The following SLC35F1 variants were observed in gnomAD, a reference collection of about 807,000 sequenced individuals.
SLC35F1 encodes the protein chromosome 6 open reading frame 169.
In SLC35F1, 14 loss-of-function variants were observed where a neutral mutation model predicts 48.7. The ratio of observed to expected loss-of-function variants is 0.29; its 90% CI spans 0.19 to 0.45. The LOEUF is 0.45. SLC35F1 is among the 20% of genes least tolerant of loss of function. The pLI, the probability that SLC35F1 is intolerant of heterozygous loss-of-function variation, is 1.00. For missense variants in SLC35F1, 404 were observed against 500.0 expected (o/e 0.81, Z 1.83); for synonymous variants, 190 against 202.2 (o/e 0.94, Z 0.51).
intron 1 of SLC35F1, among the ~76,000 whole-genome samples, chr6:118,083,396 G>A (rs748065788): frequency 1.2e-4 from 18 of 152,192 alleles, no homozygotes; most frequent in Non-Finnish European, 2.5e-4. Flanking sequence ...ATATGTTCCT[G>A]TACTGAGAAT....
At chr6:117,997,328 G>A (rs200618612) in intron 1 of SLC35F1, among the ~76,000 whole-genome samples, 48,824 of 151,934 alleles carry the variant, frequency 0.32, 7,945 homozygotes, top group Admixed American at 0.39. Flanking sequence ...TGGGAGAATG[G>A]AACCAAGTTG....
intron 1 of SLC35F1, among the ~76,000 whole-genome samples, chr6:117,951,377 A>C (rs1247563660): frequency 6.6e-6 from 1 of 152,238 alleles, no homozygotes; most frequent in Non-Finnish European, 1.5e-5. Flanking sequence ...TAAACATAAA[A>C]CTGTCTTGGA....
At chr6:118,178,670 C>T (rs1204350186) in intron 2 of SLC35F1, among the ~76,000 whole-genome samples, 1 of 151,996 alleles carries the variant, frequency 6.6e-6, no homozygotes, top group East Asian at 1.9e-4. Context: ...CAGTCAACTA[C>T]AGGAGACTGA....
At chr6:118,052,218 A>G (rs144448438) in intron 1 of SLC35F1, among the ~76,000 whole-genome samples, 1 of 152,268 alleles carries the variant, frequency 6.6e-6, no homozygotes, top group Admixed American at 6.5e-5. Flanking sequence ...TTTGGTAGTA[A>G]ACACCATCTG....
At chr6:118,006,707 A>G (rs1015028683) in intron 1 of SLC35F1, among the ~76,000 whole-genome samples, 2 of 152,188 alleles carry the variant, frequency 1.3e-5, no homozygotes, top group Admixed American at 1.3e-4. Flanking sequence ...ATATCCTCTT[A>G]TCATTAAAAA....
intron 1 of SLC35F1, among the ~76,000 whole-genome samples, chr6:118,023,676 T>C (rs1174920362): frequency 6.6e-6 from 1 of 152,158 alleles, no homozygotes; most frequent in Non-Finnish European, 1.5e-5. Flanking sequence ...TATCACAGTG[T>C]CTGCTCCGTG....
Position 118,033,613 on chromosome 6 carries a change from GTT to G in SLC35F1, c.174-120819_174-120818del, listed in dbSNP as rs11350721. ...TTTGCATTTGTATACATTCACACTA[GTT>G]TTTTTTTTTTTTCATCTTTTATCCT... On this transcript the variant is annotated intron_variant, in intron 1 of 7. Transcript: ENST00000360388. Among the ~76,000 whole-genome samples, 941 of 145,010 alleles carry G rather than the reference GTT, an allele frequency of 6.5e-3. 9 individuals are homozygous for G. The highest frequency in any genetic ancestry group is 0.017 in the African/African-American group (674 of 39,700).
chr6:118,032,427 A>C (rs562928012), intron 1 of SLC35F1, among the ~76,000 whole-genome samples: 1 of 152,216 alleles, frequency 6.6e-6, no homozygotes, highest in Non-Finnish European at 1.5e-5. Context: ...GGCTAGACAC[A>C]TGAGGTTGAA....
At chr6:118,134,774 G>A (rs1157199030) in intron 1 of SLC35F1, among the ~76,000 whole-genome samples, 1 of 152,114 alleles carries the variant, frequency 6.6e-6, no homozygotes, top group Non-Finnish European at 1.5e-5. Context: ...CCTGGCTAGC[G>A]GCTCAGAAGT....
At chr6:118,050,379 C>A (rs1473065465) in intron 1 of SLC35F1, among the ~76,000 whole-genome samples, 13 of 139,530 alleles carry the variant, frequency 9.3e-5, no homozygotes, top group African/African-American at 8.1e-5. Flanking sequence ...AATAAAATTT[C>A]AAAAAAAAAA....
chr6:118,235,613 T>C lies in SLC35F1; in HGVS notation c.454T>C (p.Tyr152His), dbSNP rs1775354415. 6.2e-7 allele frequency: 1 copy of C among 1,613,482 alleles called. No individual in the cohort carries two copies. Among genetic ancestry groups the C allele is most frequent in the South Asian group, 1.1e-5 (1 of 91,046 alleles). ...ANYLVVKAYQ[Y>H]TTLTSIQLLD... ...TTATCTGGTGGTCAAGGCTTACCAATACACAACTCTGACCAGTATCCAGGT... is the reference window on the plus strand; with the variant it reads ...TTATCTGGTGGTCAAGGCTTACCAACACACAACTCTGACCAGTATCCAGGT... The change falls in exon 3 of 8, where the codon TAC becomes CAC. Residue 152 changes from tyrosine to histidine, a missense_variant. Physicochemically the swap from Tyr to His is moderately conservative, Grantham distance 83. Coordinates refer to ENST00000360388, the MANE Select transcript of SLC35F1 (RefSeq NM_001029858.4).
intron 1 of SLC35F1, among the ~76,000 whole-genome samples, chr6:118,044,332 C>T (rs1036149925): frequency 6.6e-6 from 1 of 152,184 alleles, no homozygotes; most frequent in African/African-American, 2.4e-5. Flanking sequence ...CTGCCATCGC[C>T]CTTTCCTCCC....
intron 1 of SLC35F1, among the ~76,000 whole-genome samples, chr6:117,911,360 G>A (rs1162651708): frequency 2.0e-5 from 3 of 150,688 alleles, no homozygotes; most frequent in Non-Finnish European, 4.4e-5. Context: ...GAAAAAATAC[G>A]GCAAAGTCTT....
At chr6:117,938,747 A>G (rs1282990631) in intron 1 of SLC35F1, among the ~76,000 whole-genome samples, 2 of 152,212 alleles carry the variant, frequency 1.3e-5, no homozygotes, top group African/African-American at 2.4e-5. Flanking sequence ...TGGCTTTGCC[A>G]GGTCATACTT....
At chr6:118,068,087 G>C (rs544766791) in intron 1 of SLC35F1, among the ~76,000 whole-genome samples, 28 of 152,294 alleles carry the variant, frequency 1.8e-4, no homozygotes, top group Middle Eastern at 3.4e-3. Context: ...GGTTCTCCTA[G>C]CTCCAGAAGA....
intron 4 of SLC35F1, among the ~76,000 whole-genome samples, chr6:118,272,117 T>C (rs1333997644): frequency 2.0e-5 from 3 of 152,208 alleles, no homozygotes; most frequent in African/African-American, 7.2e-5. Context: ...TAGCCTTTTA[T>C]TGAGAATGTA....
rs759222182 is a variant in SLC35F1, at chr6:117,912,977, T to A, written c.173+5078T>A. Among the ~76,000 whole-genome samples the A allele has an allele frequency of 9.2e-5, 14 of 152,256 alleles. No individual in the cohort carries two copies. In the South Asian group the frequency reaches 1.2e-3, roughly 13 times the overall value. ...TGTTTTCACTGTACACATCTATAGA[T>A]GTAGAAGGTATAGGCAATTGAGCTG... On this transcript the variant is annotated intron_variant, in intron 1 of 7. Coordinates refer to ENST00000360388, the MANE Select transcript of SLC35F1 (RefSeq NM_001029858.4).
rs1452226358 is a variant in SLC35F1 at position 118,090,666 on chromosome 6, TGAG to T, written c.174-63778_174-63776del. 3.3e-5 allele frequency among the ~76,000 whole-genome samples: 5 copies of T among 152,172 alleles called. No individual in the cohort carries two copies. In the East Asian group the frequency reaches 9.7e-4, roughly 29 times the overall value. On this transcript the variant is annotated intron_variant, in intron 1 of 7. Coordinates refer to ENST00000360388, the MANE Select transcript of SLC35F1 (RefSeq NM_001029858.4). ...AGGAGAGGAGTGGCAGGAAATATGA[TGAG>T]AAGGGTTGGCAGAATCCAGACTAAG... is the stretch of plus-strand genomic sequence containing the variant.
chr6:118,174,700 A>G (rs1436405843), intron 2 of SLC35F1, among the ~76,000 whole-genome samples: 1 of 152,134 alleles, frequency 6.6e-6, no homozygotes, highest in African/African-American at 2.4e-5. Context: ...CATGAAGCTC[A>G]GCAAATCCCA....
Sources: allele counts gnomAD v4.1 joint callset (sites outside exome capture counted in the v4.1 genomes callset), GRCh38; gene constraint gnomAD v4.1.1; transcripts MANE v1.5; gene names NCBI Gene and HGNC (gene_info 2026-07-23, HGNC 2026-07-21).